MPP7: variants seen among roughly 807,000 people sequenced by gnomAD.
The protein encoded by MPP7 is MAGUK p55 subfamily member 7.
A neutral mutation model predicts 76.5 loss-of-function variants in MPP7; 60 were observed. That is an observed-to-expected ratio of 0.78 (90% CI 0.64 to 0.97). The LOEUF is 0.97. Among genes scored for constraint, MPP7 ranks in the 50% least tolerant of loss-of-function variants. The pLI is 0.00. For missense variants in MPP7, 641 were observed against 694.0 expected (o/e 0.92, Z 0.86); for synonymous variants, 237 against 244.5 (o/e 0.97, Z 0.29).
At chr10:28,262,182 A>T (rs61845914) in intron 1 of MPP7, among the ~76,000 whole-genome samples, 1 of 64,568 alleles carries the variant, frequency 1.5e-5, no homozygotes, top group African/African-American at 5.8e-5. Context: ...ATAAATAAAT[A>T]AATTATATAT....
At chr10:28,200,654 T>C (rs1228927543) in intron 3 of MPP7, among the ~76,000 whole-genome samples, 1 of 152,226 alleles carries the variant, frequency 6.6e-6, no homozygotes, top group East Asian at 1.9e-4. Flanking sequence ...ATTAACTTTT[T>C]CCTCAATACT....
chr10:28,143,855 C>CTGTGTGTGTGTGTGTG (rs60960005), intron 5 of MPP7, among the ~76,000 whole-genome samples: 2 of 134,556 alleles, frequency 1.5e-5, no homozygotes, highest in African/African-American at 2.7e-5. Context: ...CAATCGTGTG[C>CTGTGTGTGTGTGTGTG]TGTGTGTGTG....
At chr10:28,213,609 A>G (rs1838214582) in intron 2 of MPP7, among the ~76,000 whole-genome samples, 3 of 151,948 alleles carry the variant, frequency 2.0e-5, no homozygotes, top group Non-Finnish European at 2.9e-5. Context: ...CCTGGCCAAC[A>G]TGGTGAAACC....
intron 3 of MPP7, among the ~76,000 whole-genome samples, chr10:28,160,382 T>G (rs1836219227): frequency 6.6e-6 from 1 of 152,170 alleles, no homozygotes; most frequent in Non-Finnish European, 1.5e-5. Context: ...TGTGCCATGG[T>G]GAAGAACATG....
chr10:28,080,638 G>A (rs991469150), intron 12 of MPP7, among the ~76,000 whole-genome samples: 7 of 152,184 alleles, frequency 4.6e-5, no homozygotes, highest in African/African-American at 1.7e-4. Context: ...CTGGTACACC[G>A]TAAAACTCAG....
intron 11 of MPP7, among the ~76,000 whole-genome samples, chr10:28,116,387 G>T (rs1483286677): frequency 2.0e-5 from 3 of 152,062 alleles, no homozygotes; most frequent in Non-Finnish European, 2.9e-5. Flanking sequence ...AGAAATGCAA[G>T]CTGCCAAGTT....
chr10:28,236,112 G>A (rs1401031587), intron 2 of MPP7, among the ~76,000 whole-genome samples: 2 of 152,180 alleles, frequency 1.3e-5, no homozygotes, highest in Non-Finnish European at 2.9e-5. Context: ...TGCCAAGAAT[G>A]TAGGGGAAAG....
chr10:28,124,026 C>G lies in MPP7; in HGVS notation c.615+5G>C. 6.3e-7 allele frequency: 1 copy of G among 1,586,146 alleles called. No individual in the cohort carries two copies. Among genetic ancestry groups the G allele is most frequent in the Non-Finnish European group, 8.7e-7 (1 of 1,155,176 alleles). On this transcript the variant is annotated splice_donor_5th_base_variant and intron_variant, in intron 8 of 16. Transcript: ENST00000683449. The stretch of plus-strand genomic sequence containing the variant: ...TTGTACCTTTAAAAGAAATTTACAG[C>G]TTACCAAAATCTGTATTATTTCCTC...
chr10:28,231,547 C>CA lies in MPP7; in HGVS notation c.37+7020dup, dbSNP rs774583565. Among the ~76,000 whole-genome samples, 52 of 129,884 alleles carry CA rather than the reference C, an allele frequency of 4.0e-4. No individual in the cohort carries two copies. The South Asian group carries it at 5.7e-3, about 14-fold the overall frequency. The allele number at this position is 129,884 out of a possible 152,430, so 85.2% of individuals were successfully genotyped here. ...GTGCGAAAATTACCAACATCAGGAC[C>CA]AAAAAAAAAAAAGCATCAATGTAGA... On this transcript the variant is annotated intron_variant, in intron 2 of 16. Coordinates refer to ENST00000683449, the MANE Select transcript of MPP7 (RefSeq NM_001318170.2).
chr10:28,162,364 T>C (rs1342871362), intron 3 of MPP7, among the ~76,000 whole-genome samples: 4 of 151,994 alleles, frequency 2.6e-5, no homozygotes, highest in Non-Finnish European at 5.9e-5. Flanking sequence ...TTTTAATGCA[T>C]GGTAATAGCA....
intron 1 of MPP7, among the ~76,000 whole-genome samples, chr10:28,256,249 A>G (rs773460217): frequency 4.0e-5 from 6 of 151,496 alleles, no homozygotes; most frequent in African/African-American, 4.9e-5. Context: ...TAAAAGACCT[A>G]TGCAGATGCT....
At chr10:28,220,263 A>G (rs535022297) in intron 2 of MPP7, among the ~76,000 whole-genome samples, 4 of 152,172 alleles carry the variant, frequency 2.6e-5, no homozygotes, top group Non-Finnish European at 5.9e-5. Flanking sequence ...CTCTACTACC[A>G]AAATAAATAC....
chr10:28,064,922 G>A (rs1180881263), intron 13 of MPP7, among the ~76,000 whole-genome samples: 1 of 152,078 alleles, frequency 6.6e-6, no homozygotes, highest in African/African-American at 2.4e-5. Flanking sequence ...TTTTGCAGCA[G>A]AAAAATACCC....
At chr10:28,300,143 T>A (rs970911477) in intron 1 of MPP7, among the ~76,000 whole-genome samples, 1 of 152,202 alleles carries the variant, frequency 6.6e-6, no homozygotes, top group Non-Finnish European at 1.5e-5. Flanking sequence ...AGTACCTTTG[T>A]ATCTTTGTCA....
In MPP7 at chr10:28,329,048, T is replaced by C. The variant is rs147775616; in HGVS notation, c.-132+881A>G. 2.0e-3 allele frequency among the ~76,000 whole-genome samples: 306 copies of C among 152,326 alleles called. 3 individuals are homozygous for C. Among genetic ancestry groups the C allele is most frequent in the African/African-American group, 6.7e-3 (279 of 41,578 alleles). The stretch of plus-strand genomic sequence containing the variant: ...CATTTCTAAAATTGCCCTGGCTACT[T>C]CTTGAACCTCTTAATGACCTGTAAA... On this transcript the variant is annotated intron_variant, in intron 2 of 11. Transcript: ENST00000441595.
chr10:28,118,860 T>G, intron 11 of MPP7: 1 of 985,384 alleles, frequency 1.0e-6, no homozygotes, highest in Non-Finnish European at 1.2e-6. Flanking sequence ...AAACAGATGT[T>G]GGTGTAAAAT....
At chr10:28,173,710 T>C (rs1836764827) in intron 3 of MPP7, among the ~76,000 whole-genome samples, 1 of 152,124 alleles carries the variant, frequency 6.6e-6, no homozygotes, top group African/African-American at 2.4e-5. Context: ...GTAGCAAATA[T>C]TTAAAAATCA....
chr10:28,134,796 AAGAT>A (rs113868820), intron 5 of MPP7, among the ~76,000 whole-genome samples: 3,273 of 152,224 alleles, frequency 0.022, 90 homozygotes, highest in African/African-American at 0.072. Context: ...AGAGCAAAAA[AAGAT>A]AGATCATGAG....
At chr10:28,171,146 A>C (rs1200088458) in intron 3 of MPP7, among the ~76,000 whole-genome samples, 1 of 152,186 alleles carries the variant, frequency 6.6e-6, no homozygotes, top group Non-Finnish European at 1.5e-5. Flanking sequence ...GAGGGTACAG[A>C]AAGGACAGAC....
Sources: gnomAD v4.1 joint callset for allele counts (sites outside exome capture counted in the v4.1 genomes callset) on GRCh38, gnomAD v4.1.1 for gene constraint, MANE v1.5 for transcripts, NCBI Gene and HGNC (gene_info 2026-07-23, HGNC 2026-07-21) for gene names.